LHFPL7: variants seen among roughly 807,000 people sequenced by gnomAD.
LHFPL7 encodes the protein LHFPL tetraspan subfamily member 7 protein.
chr22:24,935,731 C>G, the LHFPL7 span: 1 of 1,185,444 alleles, frequency 8.4e-7, no homozygotes. Flanking sequence ...TATTTATTGG[C>G]TCATCTCTCC....
At chr22:24,942,533 G>A in the LHFPL7 span, among the ~76,000 whole-genome samples, 2 of 152,262 alleles carry the variant, frequency 1.3e-5, no homozygotes, top group Non-Finnish European at 2.9e-5. Context: ...AGGCACCTGC[G>A]GCACAACCTT....
chr22:24,939,543 T>C, the LHFPL7 span: 2 of 702,738 alleles, frequency 2.8e-6, no homozygotes, highest in Non-Finnish European at 5.2e-6. Flanking sequence ...CATTAGGCAG[T>C]ATCGCTGACC....
the LHFPL7 span, among the ~76,000 whole-genome samples, chr22:24,942,156 G>A: frequency 6.6e-6 from 1 of 151,078 alleles, no homozygotes; most frequent in African/African-American, 2.4e-5. Context: ...CACCATGCCC[G>A]GCTAATTTTT....
At chr22:24,940,639 T>G in the LHFPL7 span, among the ~76,000 whole-genome samples, 4 of 85,348 alleles carry the variant, frequency 4.7e-5, no homozygotes, top group African/African-American at 1.8e-4. Context: ...ATGCCCGCCC[T>G]TCCTTCCTTC....
At chr22:24,936,188 C>T in the LHFPL7 span, among the ~76,000 whole-genome samples, 2 of 152,090 alleles carry the variant, frequency 1.3e-5, no homozygotes, top group African/African-American at 4.8e-5. Flanking sequence ...TCCACTTATT[C>T]TCTCCATCCC....
the LHFPL7 span, chr22:24,935,661 C>T: frequency 9.7e-6 from 15 of 1,549,956 alleles, 1 homozygote; most frequent in South Asian, 8.7e-5. Context: ...TTCCATCCCA[C>T]GACTCATCCA....
At chr22:24,935,502 C>T in the LHFPL7 span, 1 of 1,613,864 alleles carries the variant, frequency 6.2e-7, no homozygotes, top group East Asian at 2.2e-5. Flanking sequence ...GCACTTCCCA[C>T]CATAATACAT....
chr22:24,942,606 G>C, the LHFPL7 span, among the ~76,000 whole-genome samples: 3 of 152,226 alleles, frequency 2.0e-5, no homozygotes, highest in African/African-American at 7.2e-5. Flanking sequence ...TCTGGGGTTA[G>C]AGGCCAACCA....
chr22:24,945,508 G>T, the LHFPL7 span, among the ~76,000 whole-genome samples: 11 of 152,224 alleles, frequency 7.2e-5, no homozygotes, highest in African/African-American at 2.7e-4. Flanking sequence ...GGGTGTGAGG[G>T]AAGGTGAACA....
At chr22:24,945,242 G>A in the LHFPL7 span, among the ~76,000 whole-genome samples, 2 of 152,246 alleles carry the variant, frequency 1.3e-5, no homozygotes, top group South Asian at 4.1e-4. Flanking sequence ...GTCTATGGCT[G>A]GTCTTTAGCA....
the LHFPL7 span, among the ~76,000 whole-genome samples, chr22:24,939,924 C>T: frequency 1.1e-5 from 1 of 86,992 alleles, no homozygotes; most frequent in Non-Finnish European, 2.2e-5. Context: ...TCATTTATCG[C>T]TTTTTTTTTT....
At chr22:24,935,658 C>T in the LHFPL7 span, 1 of 1,553,200 alleles carries the variant, frequency 6.4e-7, no homozygotes, top group East Asian at 2.3e-5. Flanking sequence ...ACTTTCCATC[C>T]CACGACTCAT....
At chr22:24,939,589 C>T in the LHFPL7 span, 1 of 700,052 alleles carries the variant, frequency 1.4e-6, no homozygotes, top group Non-Finnish European at 2.6e-6. Flanking sequence ...ATGGAGACTG[C>T]AGGGACAAGG....
At chr22:24,938,211 G>T in the LHFPL7 span, 2 of 1,614,184 alleles carry the variant, frequency 1.2e-6, no homozygotes, top group Non-Finnish European at 1.7e-6. Flanking sequence ...CCCTTTGGGG[G>T]CCACAGCCCA....
chr22:24,941,863 C>T, the LHFPL7 span, among the ~76,000 whole-genome samples: 1 of 152,058 alleles, frequency 6.6e-6, no homozygotes, highest in Non-Finnish European at 1.5e-5. Flanking sequence ...GATGGGGTTT[C>T]ACCATGTTGG....
the LHFPL7 span, chr22:24,939,358 C>A: frequency 1.4e-6 from 1 of 703,004 alleles, no homozygotes; most frequent in Non-Finnish European, 2.6e-6. Flanking sequence ...TCAGGAATAT[C>A]CTCCAGGGAA....
the LHFPL7 span, chr22:24,935,330 T>C: frequency 6.2e-7 from 1 of 1,611,034 alleles, no homozygotes; most frequent in Non-Finnish European, 8.5e-7. Flanking sequence ...TCCCAGGAGA[T>C]TTTTATTTGT....
the LHFPL7 span, among the ~76,000 whole-genome samples, chr22:24,940,720 T>TCCTC: frequency 9.6e-6 from 1 of 103,844 alleles, no homozygotes; most frequent in Non-Finnish European, 1.9e-5. Flanking sequence ...TCCCTTTCTT[T>TCCTC]CCTTCCTTCC....
chr22:24,935,558 G>C, the LHFPL7 span: 1 of 1,613,372 alleles, frequency 6.2e-7, no homozygotes, highest in Non-Finnish European at 8.5e-7. Flanking sequence ...AGGCAAGGCC[G>C]ATTGGGAAAA....
Sources: allele counts gnomAD v4.1 joint callset (sites outside exome capture counted in the v4.1 genomes callset), GRCh38; gene constraint gnomAD v4.1.1; transcripts MANE v1.5; gene names NCBI Gene and HGNC (gene_info 2026-07-23, HGNC 2026-07-21).